The following SLC24A2 variants were observed in gnomAD, a reference collection of about 807,000 sequenced individuals.
SLC24A2 encodes solute carrier family 24 member 2, also known as sodium/potassium/calcium exchanger 2.
A neutral mutation model predicts 62.0 loss-of-function variants in SLC24A2; 36 were observed. The observed-to-expected ratio is 0.58, with a 90% confidence interval of 0.44 to 0.77. The LOEUF is 0.77. SLC24A2 is among the 30% of genes least tolerant of loss of function. SLC24A2 has a pLI of 0.00. For missense variants in SLC24A2, 846 were observed against 817.9 expected, an observed-to-expected ratio of 1.03 and a Z score of -0.42; for synonymous variants, 358 against 294.0, an observed-to-expected ratio of 1.22 and a Z score of -2.23.
At chr9:19,983,918 T>C in the SLC24A2 span, among the ~76,000 whole-genome samples, 3 of 152,222 alleles carry the variant, frequency 2.0e-5, no homozygotes, top group Non-Finnish European at 4.4e-5. Context: ...ATAATACAGA[T>C]AGTCCCCAAC....
chr9:19,676,673 G>C (rs775977212), intron 2 of SLC24A2, among the ~76,000 whole-genome samples: 9 of 152,118 alleles, frequency 5.9e-5, no homozygotes, highest in Non-Finnish European at 1.0e-4. Flanking sequence ...CCCTTGATTA[G>C]TGGAGATGTT....
chr9:19,852,450 C>T, the SLC24A2 span, among the ~76,000 whole-genome samples: 151 of 151,922 alleles, frequency 9.9e-4, no homozygotes, highest in Admixed American at 5.0e-3. Flanking sequence ...TTTATACTTT[C>T]GGGTTTTATA....
In SLC24A2 at chr9:19,644,006, T is replaced by C. The variant is rs934632426; in HGVS notation, c.931-21707A>G. ...AAGTAAGTTGATGAAATTGGGCACT[T>C]GAGTCATTGTGAATAATAAACTGCA... On this transcript the variant is annotated intron_variant, in intron 2 of 10. Coordinates refer to ENST00000341998, the MANE Select transcript of SLC24A2 (RefSeq NM_020344.4). Among the ~76,000 whole-genome samples the C allele has an allele frequency of 4.6e-5, 7 of 152,254 alleles. No homozygotes were observed. The South Asian group carries it at 1.4e-3, about 31-fold the overall frequency.
At chr9:20,182,356 T>C in the SLC24A2 span, among the ~76,000 whole-genome samples, 1 of 152,224 alleles carries the variant, frequency 6.6e-6, no homozygotes, top group East Asian at 1.9e-4. Flanking sequence ...TGTGGTACTA[T>C]TCACAATAGC....
chr9:20,123,822 T>G, the SLC24A2 span, among the ~76,000 whole-genome samples: 1 of 152,130 alleles, frequency 6.6e-6, no homozygotes, highest in African/African-American at 2.4e-5. Context: ...ATTCCTGGAT[T>G]AAAGAAAAAT....
At chr9:20,205,673 A>C in the SLC24A2 span, among the ~76,000 whole-genome samples, 3 of 139,816 alleles carry the variant, frequency 2.1e-5, no homozygotes, top group Non-Finnish European at 3.1e-5. Flanking sequence ...AAAAAAAAAA[A>C]ACAAACAAAA....
the SLC24A2 span, among the ~76,000 whole-genome samples, chr9:20,057,413 G>T: frequency 6.6e-6 from 1 of 152,152 alleles, no homozygotes; most frequent in Non-Finnish European, 1.5e-5. Flanking sequence ...TGTAGTAGGG[G>T]TAGATTTATC....
the SLC24A2 span, among the ~76,000 whole-genome samples, chr9:20,005,157 G>T: frequency 3.5e-3 from 540 of 152,136 alleles, 10 homozygotes; most frequent in African/African-American, 0.013. Flanking sequence ...ACATGCACCT[G>T]ATAATCACCT....
Position 19,701,482 on chromosome 9 carries a change from T to C in SLC24A2, c.931-79183A>G, listed in dbSNP as rs148541277. Among the ~76,000 whole-genome samples the C allele has an allele frequency of 1.2e-3, 179 of 152,308 alleles. 5 individuals carry two copies. Among genetic ancestry groups the C allele is most frequent in the Non-Finnish European group, 2.4e-4 (16 of 68,022 alleles). On this transcript the variant is annotated intron_variant, in intron 2 of 10. Transcript: ENST00000341998. ...TTGGGTGGAAGAACTCTGAGCTGTGTTGTATTAGTTTCCTACTGTTGCTGT... is the reference window on the plus strand; with the variant it reads ...TTGGGTGGAAGAACTCTGAGCTGTGCTGTATTAGTTTCCTACTGTTGCTGT...
chr9:19,961,791 A>C, the SLC24A2 span, among the ~76,000 whole-genome samples: 2 of 152,202 alleles, frequency 1.3e-5, no homozygotes, highest in Non-Finnish European at 2.9e-5. Flanking sequence ...GGTAGCTGCC[A>C]TGTTGTGAGC....
At chr9:20,155,308 A>T in the SLC24A2 span, among the ~76,000 whole-genome samples, 2 of 151,548 alleles carry the variant, frequency 1.3e-5, no homozygotes, top group Non-Finnish European at 2.9e-5. Context: ...GTCCACCATC[A>T]CCTTTACCCT....
intron 2 of SLC24A2, among the ~76,000 whole-genome samples, chr9:19,675,568 A>C (rs1300695790): frequency 6.6e-6 from 1 of 152,060 alleles, no homozygotes; most frequent in Non-Finnish European, 1.5e-5. Flanking sequence ...TCTCAGGCTA[A>C]TGGAGTTATT....
chr9:20,206,870 A>T, the SLC24A2 span, among the ~76,000 whole-genome samples: 122 of 55,408 alleles, frequency 2.2e-3, 1 homozygote, highest in African/African-American at 7.4e-3. Context: ...CTCATAAAAA[A>T]AAAACTAAGT....
the SLC24A2 span, among the ~76,000 whole-genome samples, chr9:20,056,109 C>G: frequency 6.6e-6 from 1 of 152,000 alleles, no homozygotes; most frequent in Admixed American, 6.6e-5. Flanking sequence ...GTAATAGTAC[C>G]TATCACATGA....
rs1196718882 is a variant in SLC24A2, at chr9:19,786,528, T to C, written c.339A>G (p.Thr113=). The C allele has an allele frequency of 1.9e-6, 3 of 1,614,118 alleles. No homozygotes were observed. The highest frequency in any genetic ancestry group is 2.2e-5 in the East Asian group (1 of 44,896). ...LSKEGESENS[T]DHAQGDYPKD... is the part of the protein sequence containing the mutation. ...TCGGGTAGTCTCCTTGGGCGTGATCTGTACTATTCTCAGACTCGCCTTCCT... is the reference window on the plus strand; with the variant it reads ...TCGGGTAGTCTCCTTGGGCGTGATCCGTACTATTCTCAGACTCGCCTTCCT... Residue 113 remains threonine, a synonymous_variant, in exon 2 of 11, where the codon ACA becomes ACG. Transcript: ENST00000341998. The surrounding 1 kb of genome is among the most constrained non-coding windows in gnomAD (Gnocchi z 5.0).
At chr9:19,758,716 T>C (rs1167209831) in intron 2 of SLC24A2, among the ~76,000 whole-genome samples, 1 of 152,158 alleles carries the variant, frequency 6.6e-6, no homozygotes, top group African/African-American at 2.4e-5. Context: ...AAGAAGAAAC[T>C]TATCAGGATT....
chr9:20,045,381 GAATT>G, the SLC24A2 span, among the ~76,000 whole-genome samples: 1 of 152,048 alleles, frequency 6.6e-6, no homozygotes, highest in East Asian at 1.9e-4. Flanking sequence ...AGAAGAGTGA[GAATT>G]AATATGGTTA....
chr9:20,223,681 T>A, the SLC24A2 span, among the ~76,000 whole-genome samples: 1 of 152,006 alleles, frequency 6.6e-6, no homozygotes, highest in Non-Finnish European at 1.5e-5. Context: ...CCAGTGTACA[T>A]GGGAAAAATG....
At chr9:19,928,390 G>A in the SLC24A2 span, 4 of 152,278 alleles carry the variant, frequency 2.6e-5, no homozygotes, top group Non-Finnish European at 5.9e-5. Flanking sequence ...AGGTTTCTGG[G>A]TAGGGGGTTA....
Sources: allele counts gnomAD v4.1 joint callset (sites outside exome capture counted in the v4.1 genomes callset), GRCh38; gene constraint gnomAD v4.1.1; non-coding constraint Gnocchi (gnomAD v3.1); transcripts MANE v1.5; gene names NCBI Gene and HGNC (gene_info 2026-07-23, HGNC 2026-07-21).